PREX2: variants seen among roughly 807,000 people sequenced by gnomAD.
The protein encoded by PREX2 is phosphatidylinositol-3,4,5-trisphosphate dependent Rac exchange factor 2, also known as phosphatidylinositol 3,4,5-trisphosphate-dependent Rac exchanger 2 protein.
PREX2 carries 107 observed loss-of-function variants against 203.2 expected under a neutral mutation model. That is an observed-to-expected ratio of 0.53 (90% confidence interval 0.45 to 0.62). The LOEUF is 0.62. Ranked by LOEUF, PREX2 falls within the 20% of genes least tolerant of loss-of-function variation. The pLI is 0.00. For missense variants in PREX2, 1,777 were observed against 1,955.9 expected, an observed-to-expected ratio of 0.91 and a Z score of 1.72; for synonymous variants, 672 against 663.6, an observed-to-expected ratio of 1.01 and a Z score of -0.19.
intron 30 of PREX2, among the ~76,000 whole-genome samples, chr8:68,122,555 A>G (rs1052468356): frequency 1.3e-5 from 2 of 152,084 alleles, no homozygotes; most frequent in African/African-American, 4.8e-5. Context: ...TGACACTACT[A>G]GAAACTATAA....
chr8:68,228,432 G>A (rs1019278984), intron 39 of PREX2, among the ~76,000 whole-genome samples: 1 of 151,954 alleles, frequency 6.6e-6, no homozygotes, highest in Non-Finnish European at 1.5e-5. Context: ...AGACCAGCCT[G>A]GGCAACAAAG....
chr8:68,120,352 T>G lies in PREX2; in HGVS notation c.3595+66T>G, dbSNP rs969422049. 3.0e-5 allele frequency: 32 copies of G among 1,076,778 alleles called. No individual in the cohort carries two copies. In the Admixed American group the frequency reaches 5.3e-4, roughly 18 times the overall value. 66.7% of individuals were successfully genotyped at this position (1,076,778 alleles called of 1,614,324 possible). A position where few individuals can be genotyped will look rare whatever the true frequency, so the allele number is the denominator to read the frequency against. ...AACAAGGTGGTAGACAATATAGTCATGAAGCAAGCAGATTGCATAAGAGGA... is the reference window on the plus strand; with the variant it reads ...AACAAGGTGGTAGACAATATAGTCAGGAAGCAAGCAGATTGCATAAGAGGA... On this transcript the variant is annotated intron_variant, in intron 29 of 39. Coordinates refer to ENST00000288368, the MANE Select transcript of PREX2 (RefSeq NM_024870.4).
chr8:68,136,296 T>C (rs1366286922), intron 32 of PREX2, among the ~76,000 whole-genome samples: 2 of 152,100 alleles, frequency 1.3e-5, no homozygotes, highest in Non-Finnish European at 1.5e-5. Context: ...ACCCTTAAAT[T>C]TATTTAAGGA....
chr8:68,108,628 T>G (rs1288996158), intron 24 of PREX2, among the ~76,000 whole-genome samples: 1 of 152,178 alleles, frequency 6.6e-6, no homozygotes, highest in Non-Finnish European at 1.5e-5. Context: ...GAAATGGCCC[T>G]GAAACTTTGA....
intron 1 of PREX2, among the ~76,000 whole-genome samples, chr8:67,978,438 T>C (rs754049883): frequency 6.6e-6 from 1 of 152,232 alleles, no homozygotes; most frequent in Non-Finnish European, 1.5e-5. Flanking sequence ...TTTGTCTGGT[T>C]TTAAAATTTT....
intron 38 of PREX2, among the ~76,000 whole-genome samples, chr8:68,219,592 C>T (rs1373684544): frequency 6.6e-6 from 1 of 152,078 alleles, no homozygotes; most frequent in Non-Finnish European, 1.5e-5. Flanking sequence ...TTATTTGTTC[C>T]TCTGCCCCAA....
intron 5 of PREX2, among the ~76,000 whole-genome samples, chr8:68,028,257 AATG>A (rs1338960382): frequency 6.6e-6 from 1 of 151,732 alleles, no homozygotes; most frequent in Non-Finnish European, 1.5e-5. Flanking sequence ...AGGATTATAT[AATG>A]ATAATGATTA....
chr8:68,033,862 G>A (rs1479863623), intron 6 of PREX2, among the ~76,000 whole-genome samples: 1 of 152,086 alleles, frequency 6.6e-6, no homozygotes, highest in East Asian at 1.9e-4. Flanking sequence ...TGGCTGAGAT[G>A]CTGTACTCTC....
intron 37 of PREX2, among the ~76,000 whole-genome samples, chr8:68,211,894 A>C (rs1812749130): frequency 6.6e-6 from 1 of 152,220 alleles, no homozygotes; most frequent in Non-Finnish European, 1.5e-5. Flanking sequence ...ACTGGAAAGC[A>C]ACTGAAGATG....
intron 11 of PREX2, among the ~76,000 whole-genome samples, chr8:68,061,098 A>T (rs1324597868): frequency 6.6e-6 from 1 of 152,198 alleles, no homozygotes; most frequent in Non-Finnish European, 1.5e-5. Flanking sequence ...GGACATGACA[A>T]GTGATGCTGG....
At position 68,146,299 on chromosome 8, in the gene PREX2, A is replaced by C. The variant is rs1048080082; in HGVS notation, c.4178A>C (p.Gln1393Pro). ...IDSYHFEQLPQRLKNGGGFKI... is the reference protein window; with the variant it reads ...IDSYHFEQLPPRLKNGGGFKI... ...AGTTATCATTTTGAACAACTTCCTC[A>C]ACGGCTGAAAAATGGAGGAGGGTTT... is the stretch of plus-strand genomic sequence containing the variant. The change falls in exon 34 of 40, where the codon CAA becomes CCA. Residue 1393 changes from glutamine to proline, a missense_variant. Coordinates refer to ENST00000288368, the MANE Select transcript of PREX2 (RefSeq NM_024870.4). The C allele has an allele frequency of 1.2e-6, 2 of 1,613,064 alleles. No homozygotes were observed. The highest frequency in any genetic ancestry group is 1.7e-6 in the Non-Finnish European group (2 of 1,179,502).
At chr8:68,072,652 T>G (rs1464396965) in intron 14 of PREX2, 82 bp downstream of exon 14, 2 of 776,476 alleles carry the variant, frequency 2.6e-6, no homozygotes, top group African/African-American at 3.5e-5. Context: ...CTTTATTCTT[T>G]TTCATCTGTA....
rs750905811 is a variant in PREX2, at chr8:68,192,486, G to A, written c.4565G>A (p.Gly1522Asp). 1.2e-5 allele frequency: 19 copies of A among 1,610,760 alleles called. No individual in the cohort carries two copies. Among genetic ancestry groups the A allele is most frequent in the Non-Finnish European group, 1.6e-5 (19 of 1,179,612 alleles). The change falls in exon 37 of 40, where the codon GGC becomes GAC. Residue 1522 changes from glycine to aspartate, a missense_variant. Transcript: ENST00000288368. ...SVSSELCNRL[G>D]ACHIIMCSSG... The stretch of plus-strand genomic sequence containing the variant: ...TCCTCGGAGCTGTGCAACAGGCTGG[G>A]CGCCTGCCACATCATCATGTGCAGC...
intron 35 of PREX2, among the ~76,000 whole-genome samples, chr8:68,182,697 T>G (rs1223480190): frequency 6.6e-6 from 1 of 151,896 alleles, no homozygotes; most frequent in African/African-American, 2.4e-5. Flanking sequence ...AATACTACAT[T>G]AAGAAGTATT....
chr8:68,216,196 C>T (rs1008911872), intron 37 of PREX2, among the ~76,000 whole-genome samples: 1 of 152,206 alleles, frequency 6.6e-6, no homozygotes, highest in Non-Finnish European at 1.5e-5. Context: ...TCTTAATTAT[C>T]AGTATCAAAA....
chr8:68,224,487 C>T (rs991048908), intron 38 of PREX2, 72 bp from the exon 39 acceptor site: 1 of 1,179,670 alleles, frequency 8.5e-7, no homozygotes, highest in Non-Finnish European at 1.3e-6. Flanking sequence ...GTATCCTACA[C>T]ACAAATGTTA....
intron 7 of PREX2, among the ~76,000 whole-genome samples, chr8:68,042,576 T>A: frequency 6.6e-6 from 1 of 152,112 alleles, no homozygotes; most frequent in East Asian, 1.9e-4. Flanking sequence ...GGCTTTAGGG[T>A]TGTCCTGAAT....
At position 68,224,609 on chromosome 8, in the gene PREX2, T is replaced by A. The variant is rs1382113785; in HGVS notation, c.4758T>A (p.Thr1586=). ...AGAATTTGGGAGTCAGAGACCGGAC[T>A]CCACAGTCTGCACCAAGGTAAGTGC... ...TAKNLGVRDR[T]PQSAPRLYKL... is the part of the protein sequence containing the mutation. Residue 1586 remains threonine (T), a synonymous_variant, in exon 39 of 40, where the codon ACT becomes ACA. Transcript: ENST00000288368. 6.2e-7 allele frequency: 1 copy of A among 1,613,218 alleles called. No homozygotes were observed. Among genetic ancestry groups the A allele is most frequent in the East Asian group, 2.2e-5 (1 of 44,846 alleles).
At chr8:68,230,000 G>A (rs776302547) in intron 39 of PREX2, among the ~76,000 whole-genome samples, 1 of 152,206 alleles carries the variant, frequency 6.6e-6, no homozygotes, top group Non-Finnish European at 1.5e-5. Context: ...TCTGATGTGA[G>A]ATGTCTTTAT....
Sources: gnomAD v4.1 joint callset for allele counts (sites outside exome capture counted in the v4.1 genomes callset) on GRCh38, gnomAD v4.1.1 for gene constraint, MANE v1.5 for transcripts, NCBI Gene and HGNC (gene_info 2026-07-23, HGNC 2026-07-21) for gene names.